The following SOX5 variants were observed in gnomAD, a reference collection of about 807,000 sequenced individuals.
SOX5 encodes SRY-box transcription factor 5.
SOX5 carries 9 observed loss-of-function variants against 92.0 expected under a neutral mutation model. The ratio of observed to expected loss-of-function variants is 0.10; its 90% CI spans 0.06 to 0.17. SOX5 has a LOEUF of 0.17. Ranked by LOEUF, SOX5 falls within the 10% of genes least tolerant of loss-of-function variation. The pLI is 1.00. For synonymous variants in SOX5, 344 were observed against 336.3 expected (o/e 1.02, Z -0.25); for missense variants, 642 against 944.5 (o/e 0.68, Z 4.20).
At chr12:24,041,329 G>C (rs187699044) in intron 4 of SOX5, among the ~76,000 whole-genome samples, 122 of 152,220 alleles carry the variant, frequency 8.0e-4, no homozygotes, top group Non-Finnish European at 1.4e-3. Flanking sequence ...AAATTGTCAT[G>C]ATGAGGATAC....
intron 4 of SOX5, among the ~76,000 whole-genome samples, chr12:23,746,408 G>A (rs1163007831): frequency 6.6e-6 from 1 of 152,132 alleles, no homozygotes; most frequent in African/African-American, 2.4e-5. Flanking sequence ...TGGAGACACA[G>A]TCATGTATAT....
intron 3 of SOX5, among the ~76,000 whole-genome samples, chr12:23,812,969 T>G (rs1361420783): frequency 6.6e-6 from 1 of 152,186 alleles, no homozygotes; most frequent in Non-Finnish European, 1.5e-5. Context: ...ATTCCTCAAA[T>G]TACATTTCTT....
At chr12:23,712,639 G>C (rs2092158704) in intron 6 of SOX5, among the ~76,000 whole-genome samples, 1 of 152,160 alleles carries the variant, frequency 6.6e-6, no homozygotes, top group Admixed American at 6.5e-5. Flanking sequence ...AGTGTGATGG[G>C]CCAAGATTTA....
chr12:24,485,871 GC>G (rs1211839596), intron 1 of SOX5, among the ~76,000 whole-genome samples: 1 of 151,956 alleles, frequency 6.6e-6, no homozygotes, highest in Non-Finnish European at 1.5e-5. Context: ...TTCCCTGTAG[GC>G]CTTTTCAATT....
intron 4 of SOX5, among the ~76,000 whole-genome samples, chr12:24,022,921 T>TA (rs5797057): frequency 8.8e-4 from 130 of 148,364 alleles, no homozygotes; most frequent in African/African-American, 2.1e-3. Flanking sequence ...TGACCATGGG[T>TA]AAAAAAAAAA....
intron 3 of SOX5, among the ~76,000 whole-genome samples, chr12:23,819,957 T>G (rs1173588031): frequency 2.0e-5 from 3 of 152,172 alleles, no homozygotes; most frequent in African/African-American, 7.2e-5. Context: ...GTAACAGGAT[T>G]GCTGGGTCAA....
intron 4 of SOX5, among the ~76,000 whole-genome samples, chr12:24,057,715 T>C (rs1364685129): frequency 6.6e-6 from 1 of 152,198 alleles, no homozygotes; most frequent in East Asian, 1.9e-4. Flanking sequence ...CAGGCAATAA[T>C]ATGTTACCAC....
intron 7 of SOX5, 71 bp downstream of exon 7, chr12:23,665,373 G>A: frequency 1.3e-6 from 2 of 1,514,810 alleles, no homozygotes; most frequent in African/African-American, 1.4e-5. Flanking sequence ...TGGTGTGGCA[G>A]GAATATTAAA....
intron 4 of SOX5, among the ~76,000 whole-genome samples, chr12:24,163,865 C>A (rs931500715): frequency 6.6e-6 from 1 of 151,936 alleles, no homozygotes; most frequent in Admixed American, 6.6e-5. Flanking sequence ...CTCTCTATAT[C>A]CCCAGGCAGA....
chr12:24,261,738 G>C (rs777837196), intron 3 of SOX5, among the ~76,000 whole-genome samples: 17 of 152,256 alleles, frequency 1.1e-4, no homozygotes, highest in Middle Eastern at 3.4e-3. Flanking sequence ...CTGCACCTTT[G>C]TGCATCCTGT....
intron 4 of SOX5, among the ~76,000 whole-genome samples, chr12:24,095,120 C>CAGAGAGAGAGAGAGAGAGAGAGAG (rs1442826677): frequency 2.9e-5 from 3 of 102,076 alleles, no homozygotes; most frequent in Non-Finnish European, 4.2e-5. Flanking sequence ...CACACACACA[C>CAGAGAGAGAGAGAGAGAGAGAGAG]ACACACACAG....
Position 23,945,439 on chromosome 12 carries a change from T to C in SOX5, c.38+4125A>G, listed in dbSNP as rs533013301. ...AGCAGTACACAATGTCACCTGACAT[T>C]TAACCCTTAATTGTTCCTGGTAATC... is the stretch of plus-strand genomic sequence containing the variant. On this transcript the variant is annotated intron_variant, in intron 1 of 14. Transcript: ENST00000451604. Among the ~76,000 whole-genome samples the C allele has an allele frequency of 2.0e-5, 3 of 152,250 alleles. No individual in the cohort carries two copies. The South Asian group carries it at 6.2e-4, about 32-fold the overall frequency.
intron 3 of SOX5, among the ~76,000 whole-genome samples, chr12:23,774,847 C>T (rs2095048878): frequency 6.6e-6 from 1 of 152,150 alleles, no homozygotes; most frequent in South Asian, 2.1e-4. Flanking sequence ...AAACAATTTA[C>T]ACAGATATTT....
chr12:24,129,657 A>C (rs1949457731), intron 4 of SOX5, among the ~76,000 whole-genome samples: 1 of 152,214 alleles, frequency 6.6e-6, no homozygotes. Context: ...CTCAGATAAT[A>C]AATCGGAGCA....
chr12:24,454,676 A>T (rs1460251938), intron 1 of SOX5, among the ~76,000 whole-genome samples: 2 of 152,212 alleles, frequency 1.3e-5, no homozygotes, highest in African/African-American at 4.8e-5. Context: ...ATGCACTGTC[A>T]TTCTGAATTT....
chr12:24,086,949 C>G (rs1360928721), intron 4 of SOX5, among the ~76,000 whole-genome samples: 1 of 151,940 alleles, frequency 6.6e-6, no homozygotes, highest in African/African-American at 2.4e-5. Flanking sequence ...TCGGAATGTA[C>G]CAATCAAAAA....
At chr12:24,025,431 C>G (rs1048335450) in intron 4 of SOX5, among the ~76,000 whole-genome samples, 1 of 152,068 alleles carries the variant, frequency 6.6e-6, no homozygotes, top group Non-Finnish European at 1.5e-5. Flanking sequence ...TAGCTCAACT[C>G]TAGTTCTCTT....
intron 3 of SOX5, among the ~76,000 whole-genome samples, chr12:23,767,780 C>T (rs1203779397): frequency 2.0e-5 from 3 of 151,138 alleles, no homozygotes; most frequent in Non-Finnish European, 2.9e-5. Context: ...ATTCTTTCTC[C>T]TGCACTGATC....
chr12:23,724,582 T>C (rs2093011597), intron 6 of SOX5, among the ~76,000 whole-genome samples: 1 of 152,216 alleles, frequency 6.6e-6, no homozygotes, highest in Admixed American at 6.6e-5. Context: ...TTTGCTACTG[T>C]AACTACTAAT....
Sources: allele counts gnomAD v4.1 joint callset (sites outside exome capture counted in the v4.1 genomes callset), GRCh38; gene constraint gnomAD v4.1.1; transcripts MANE v1.5; gene names NCBI Gene and HGNC (gene_info 2026-07-23, HGNC 2026-07-21).